SMPD3: variants seen among roughly 807,000 people sequenced by gnomAD.
SMPD3 encodes sphingomyelin phosphodiesterase 3.
In SMPD3, 21 loss-of-function variants were observed where a neutral mutation model predicts 55.7. That is an observed-to-expected ratio of 0.38 (90% CI 0.27 to 0.54). The LOEUF is 0.54. Among genes scored for constraint, SMPD3 ranks in the 20% least tolerant of loss-of-function variants. The pLI, the probability that SMPD3 is intolerant of heterozygous loss-of-function variation, is 0.80. For missense variants in SMPD3, 842 were observed against 899.6 expected, an observed-to-expected ratio of 0.94 and a Z score of 0.82; for synonymous variants, 457 against 404.3, an observed-to-expected ratio of 1.13 and a Z score of -1.56.
At chr16:68,415,751 A>C (rs916934483) in intron 1 of SMPD3, among the ~76,000 whole-genome samples, 47 of 151,416 alleles carry the variant, frequency 3.1e-4, no homozygotes, top group Admixed American at 3.1e-3. Context: ...ATTTAAAAAG[A>C]TCTACAAATT....
intron 2 of SMPD3, among the ~76,000 whole-genome samples, chr16:68,376,459 T>C (rs2151990817): frequency 6.6e-6 from 1 of 152,350 alleles, no homozygotes; most frequent in African/African-American, 2.4e-5. Context: ...TGGGCCCCTC[T>C]GAGGGGACTG....
intron 2 of SMPD3, among the ~76,000 whole-genome samples, chr16:68,372,758 G>A (rs773259211): frequency 1.3e-5 from 2 of 152,222 alleles, no homozygotes; most frequent in Non-Finnish European, 2.9e-5. Flanking sequence ...ACCGGGGGCC[G>A]CCGGAAGCCC....
rs1020370973 is a variant in SMPD3, at chr16:68,373,535, G to C, written c.-206-1148C>G. ...GGCACTTTGGGGGGTCTGAGCCCAC[G>C]GTGCCATCCATCCTGGCCCCACACC... On this transcript the variant is annotated intron_variant, in intron 2 of 8. Coordinates refer to ENST00000219334, the MANE Select transcript of SMPD3 (RefSeq NM_018667.4). Among the ~76,000 whole-genome samples, 3 of 152,214 alleles carry C rather than the reference G, an allele frequency of 2.0e-5. No homozygotes were observed. In the East Asian group the frequency reaches 5.8e-4, roughly 29 times the overall value.
intron 7 of SMPD3, among the ~76,000 whole-genome samples, chr16:68,362,458 T>C (rs2089331696): frequency 6.6e-6 from 1 of 152,210 alleles, no homozygotes; most frequent in African/African-American, 2.4e-5. Flanking sequence ...AGTATGCCCG[T>C]CTGCTTCCTG....
chr16:68,423,404 A>G (rs2090411699), intron 1 of SMPD3, among the ~76,000 whole-genome samples: 1 of 152,162 alleles, frequency 6.6e-6, no homozygotes, highest in African/African-American at 2.4e-5. Context: ...TAGTTAAGGT[A>G]GTTAGGGTGG....
At chr16:68,428,148 T>G (rs375574234) in intron 1 of SMPD3, among the ~76,000 whole-genome samples, 31 of 152,274 alleles carry the variant, frequency 2.0e-4, no homozygotes, top group African/African-American at 5.5e-4. Context: ...GAAGTAAACA[T>G]CATGGAGACA....
chr16:68,372,303 A>G lies in SMPD3; in HGVS notation c.-122T>C. On this transcript the variant is annotated 5_prime_UTR_variant, in exon 3 of 9. Coordinates refer to ENST00000219334, the MANE Select transcript of SMPD3 (RefSeq NM_018667.4). ...GGAGGAGGGGTCACCTCCTGGCGAG[A>G]TGCAACTCCGGCTGGTCAATGGCGA... is the stretch of plus-strand genomic sequence containing the variant. 2 of 1,298,480 alleles carry G rather than the reference A, an allele frequency of 1.5e-6. No individual in the cohort carries two copies. Among genetic ancestry groups the G allele is most frequent in the Non-Finnish European group, 2.1e-6 (2 of 937,362 alleles). 80.4% of individuals were successfully genotyped at this position (1,298,480 alleles called of 1,614,324 possible). A position where few individuals can be genotyped will look rare whatever the true frequency, so the allele number is the denominator to read the frequency against.
chr16:68,430,077 G>C (rs984728324), intron 1 of SMPD3, among the ~76,000 whole-genome samples: 2 of 152,150 alleles, frequency 1.3e-5, no homozygotes, highest in Non-Finnish European at 2.9e-5. Flanking sequence ...TTGGAGTGGG[G>C]TTAGGAGCAC....
intron 1 of SMPD3, among the ~76,000 whole-genome samples, chr16:68,426,819 C>A (rs960921822): frequency 6.6e-6 from 1 of 152,002 alleles, no homozygotes; most frequent in African/African-American, 2.4e-5. Context: ...ATAATAATAA[C>A]CTCATTTGTG....
rs372627605 is a variant in SMPD3 at position 68,371,039 on chromosome 16, G to A, written c.1143C>T (p.Tyr381=). 97 of 1,614,116 alleles carry A rather than the reference G, an allele frequency of 6.0e-5. No individual in the cohort carries two copies. The Middle Eastern group carries it at 6.6e-4, about 11-fold the overall frequency. Residue 381 remains tyrosine (Y), a synonymous_variant, in exon 3 of 9, where the codon TAC becomes TAT. Coordinates refer to ENST00000219334, the MANE Select transcript of SMPD3 (RefSeq NM_018667.4). ...CGACGTCGTACAGGATGTACTCGAA[G>A]TAGCCGTGCAGCTGCTCTTTCAATT... ...ATKLKEQLHG[Y]FEYILYDVGV...
At chr16:68,405,837 TG>T (rs2152015021) in intron 1 of SMPD3, among the ~76,000 whole-genome samples, 1 of 152,310 alleles carries the variant, frequency 6.6e-6, no homozygotes, top group South Asian at 2.1e-4. Flanking sequence ...GAGACTGATG[TG>T]GGTGCATGCA....
At chr16:68,365,842 A>G (rs2089463285) in intron 3 of SMPD3, among the ~76,000 whole-genome samples, 1 of 152,018 alleles carries the variant, frequency 6.6e-6, no homozygotes, top group Non-Finnish European at 1.5e-5. Context: ...GGCTGGCTTA[A>G]TACAAATTAG....
At chr16:68,374,516 A>G (rs1357045967) in intron 2 of SMPD3, among the ~76,000 whole-genome samples, 1 of 152,214 alleles carries the variant, frequency 6.6e-6, no homozygotes, top group Non-Finnish European at 1.5e-5. Flanking sequence ...AATCTGGGAC[A>G]TGGGCATCTC....
At chr16:68,419,993 T>A (rs1177677049) in intron 1 of SMPD3, among the ~76,000 whole-genome samples, 1 of 151,896 alleles carries the variant, frequency 6.6e-6, no homozygotes, top group African/African-American at 2.4e-5. Flanking sequence ...TTTTTTTTTT[T>A]TTTTTTTAAG....
rs113372032 is a variant in SMPD3 at position 68,372,369 on chromosome 16, C to G, written c.-188G>C. The G allele has an allele frequency of 2.8e-6, 2 of 712,888 alleles. No individual in the cohort carries two copies. The highest frequency in any genetic ancestry group is 1.8e-5 in the South Asian group (1 of 54,866). The allele number at this position is 712,888 out of a possible 1,614,324, so 44.2% of individuals were successfully genotyped here. A position where few individuals can be genotyped will look rare whatever the true frequency, so the allele number is the denominator to read the frequency against. ...TCATGGTTCACCTCGGTGGGCCATG[C>G]GGAGGCCTACTGCAGACCCTGCAGA... On this transcript the variant is annotated 5_prime_UTR_variant, in exon 3 of 9. Transcript: ENST00000219334.
At chr16:68,438,870 G>A (rs2152033831) in intron 1 of SMPD3, among the ~76,000 whole-genome samples, 2 of 152,316 alleles carry the variant, frequency 1.3e-5, no homozygotes, top group South Asian at 4.1e-4. Flanking sequence ...GTTAAGAACA[G>A]GCTCTGCAGT....
chr16:68,392,946 C>A (rs1233469660), intron 1 of SMPD3, among the ~76,000 whole-genome samples: 1 of 151,860 alleles, frequency 6.6e-6, no homozygotes, highest in East Asian at 1.9e-4. Flanking sequence ...GAGCCCTTAC[C>A]AGAAACTGAA....
intron 2 of SMPD3, among the ~76,000 whole-genome samples, chr16:68,385,620 G>T (rs2090040576): frequency 6.6e-6 from 1 of 152,082 alleles, no homozygotes; most frequent in African/African-American, 2.4e-5. Context: ...GACCACCCTG[G>T]CAACCCTGAC....
intron 3 of SMPD3, among the ~76,000 whole-genome samples, chr16:68,370,452 C>T (rs958298266): frequency 6.6e-6 from 1 of 152,202 alleles, no homozygotes; most frequent in Non-Finnish European, 1.5e-5. Flanking sequence ...AGGGCCCCTA[C>T]CTCCTGTTCT....
Sources: gnomAD v4.1 joint callset for allele counts (sites outside exome capture counted in the v4.1 genomes callset) on GRCh38, gnomAD v4.1.1 for gene constraint, MANE v1.5 for transcripts, NCBI Gene and HGNC (gene_info 2026-07-23, HGNC 2026-07-21) for gene names.